Variants in C10orf71 observed in about 807,000 individuals in gnomAD.
C10orf71 encodes the protein chromosome 10 open reading frame 71, also known as cardiac-enriched FHL2-interacting protein.
For missense variants in C10orf71, 1,869 were observed against 1,804.5 expected (o/e 1.04, Z -0.65); for synonymous variants, 758 against 726.3 (o/e 1.04, Z -0.70).
At chr10:49,304,608 A>C (rs1848782289) in intron 1 of C10orf71, among the ~76,000 whole-genome samples, 2 of 151,976 alleles carry the variant, frequency 1.3e-5, no homozygotes, top group Admixed American at 1.3e-4. Context: ...AATGTGATGG[A>C]CTCTGTAGAA....
At position 49,322,692 on chromosome 10, in the gene C10orf71, T is replaced by C. The variant is rs1439272964; in HGVS notation, c.147T>C (p.His49=). 32 of 1,613,836 alleles carry C rather than the reference T, an allele frequency of 2.0e-5. No individual in the cohort carries two copies. Among genetic ancestry groups the C allele is most frequent in the Non-Finnish European group, 2.7e-5 (32 of 1,179,874 alleles). The change falls in exon 3 of 3, where the codon CAT becomes CAC. Residue 49 remains histidine, a synonymous_variant. Transcript: ENST00000374144. ...SLCISEDTSF[H]DSYLAVSPDI... is the part of the protein sequence containing the mutation. ...GCATCTCCGAGGACACATCCTTCCA[T>C]GACTCCTATCTGGCTGTGTCCCCGG...
At chr10:49,311,916 C>G (rs946968278) in intron 1 of C10orf71, among the ~76,000 whole-genome samples, 7 of 152,010 alleles carry the variant, frequency 4.6e-5, no homozygotes, top group Admixed American at 1.3e-4. Flanking sequence ...GAATTGTATC[C>G]GCAAAAAGCA....
chr10:49,301,959 C>T (rs1848735730), intron 1 of C10orf71, among the ~76,000 whole-genome samples: 1 of 152,166 alleles, frequency 6.6e-6, no homozygotes, highest in Non-Finnish European at 1.5e-5. Context: ...GGCTGTCTTC[C>T]CTTGCCTCAG....
At chr10:49,318,956 A>T (rs1363552195) in intron 2 of C10orf71, among the ~76,000 whole-genome samples, 2 of 152,236 alleles carry the variant, frequency 1.3e-5, no homozygotes, top group Non-Finnish European at 2.9e-5. Flanking sequence ...TGCCTTCACC[A>T]TCCATCCCCT....
At position 49,316,448 on chromosome 10, in the gene C10orf71, C is replaced by T. The variant is rs1849001059; in HGVS notation, c.-145+201C>T. On this transcript the variant is annotated intron_variant, in intron 2 of 2. Transcript: ENST00000374144. ...ACATGGGGAGGGAGTCTCTCTTTTTCCTGAGGCAGAAGTAATGTGGTTATT... is the reference window on the plus strand; with the variant it reads ...ACATGGGGAGGGAGTCTCTCTTTTTTCTGAGGCAGAAGTAATGTGGTTATT... Among the ~76,000 whole-genome samples, 7 of 152,084 alleles carry T rather than the reference C, an allele frequency of 4.6e-5. No homozygotes were observed. In the South Asian group the frequency reaches 1.5e-3, roughly 32 times the overall value.
chr10:49,306,228 A>G (rs1023374619), intron 1 of C10orf71, among the ~76,000 whole-genome samples: 5 of 152,238 alleles, frequency 3.3e-5, no homozygotes, highest in African/African-American at 1.2e-4. Context: ...TGACTCCAGC[A>G]TCGAGAGACT....
intron 1 of C10orf71, among the ~76,000 whole-genome samples, chr10:49,312,228 CATGG>C (rs1564685482): frequency 6.6e-6 from 1 of 152,202 alleles, no homozygotes; most frequent in African/African-American, 2.4e-5. Context: ...TCACAGTGGG[CATGG>C]CAGACCCTTC....
At chr10:49,313,059 A>G (rs963100118) in intron 1 of C10orf71, among the ~76,000 whole-genome samples, 8 of 152,200 alleles carry the variant, frequency 5.3e-5, no homozygotes, top group African/African-American at 1.9e-4. Context: ...CGCCACCAAT[A>G]AACACTCAGG....
rs756288258 is a variant in C10orf71, at chr10:49,322,283, C to T, written c.-144-119C>T. 22 of 402,092 alleles carry T rather than the reference C, an allele frequency of 5.5e-5. No homozygotes were observed. In the Middle Eastern group the frequency reaches 3.4e-3, roughly 62 times the overall value. The allele number at this position is 402,092 out of a possible 1,614,324, so 24.9% of individuals were successfully genotyped here. Reference sequence around the variant, plus strand: ...GTCTACAGTCTATACATATAGCAAGCTTGCCAAGTTTGACACATAAAATTA... The same window carrying T: ...GTCTACAGTCTATACATATAGCAAGTTTGCCAAGTTTGACACATAAAATTA... On this transcript the variant is annotated intron_variant, in intron 2 of 2. Transcript: ENST00000374144.
rs1411587032 is a variant in C10orf71 at position 49,325,659 on chromosome 10, A to G, written c.3114A>G (p.Thr1038=). The change falls in exon 3 of 3, where the codon ACA becomes ACG. Residue 1038 remains threonine, a synonymous_variant. Coordinates refer to ENST00000374144, the MANE Select transcript of C10orf71 (RefSeq NM_001135196.2). ...GTTTCAAGAGTCACTTTTTGTCCAC[A>G]CCCAGAGCAGGGCCCCCTGGCAGAA... The part of the protein sequence containing the change: ...TPGFKSHFLS[T]PRAGPPGRRL... 2.6e-6 allele frequency: 4 copies of G among 1,552,076 alleles called. No individual in the cohort carries two copies. Among genetic ancestry groups the G allele is most frequent in the Non-Finnish European group, 3.5e-6 (4 of 1,147,066 alleles).
chr10:49,299,736 G>A (rs1385633103), intron 1 of C10orf71, among the ~76,000 whole-genome samples: 4 of 152,236 alleles, frequency 2.6e-5, no homozygotes, highest in Non-Finnish European at 1.5e-5. Context: ...ATGGCTGAGT[G>A]CACAGATGTG....
Position 49,323,093 on chromosome 10 carries a change from G to A in C10orf71, c.548G>A (p.Ser183Asn). 6.2e-7 allele frequency: 1 copy of A among 1,614,038 alleles called. No homozygotes were observed. The highest frequency in any genetic ancestry group is 8.5e-7 in the Non-Finnish European group (1 of 1,179,894). Residue 183 changes from serine (S) to asparagine (N), a missense_variant, in exon 3 of 3, where the codon AGT becomes AAT. Coordinates refer to ENST00000374144, the MANE Select transcript of C10orf71 (RefSeq NM_001135196.2). ...AAATTCGCTCCTCTTCCAGAAAACA[G>A]TGTCAACTTCTGCTTCGATTCTGCC... The part of the protein sequence containing the change: ...PPKFAPLPEN[S>N]VNFCFDSAFL...
Position 49,326,447 on chromosome 10 carries a change from AC to A in C10orf71, c.3905del (p.Pro1302GlnfsTer42). 1 of 1,550,206 alleles carries A rather than the reference AC, an allele frequency of 6.5e-7. No individual in the cohort carries two copies. Among genetic ancestry groups the A allele is most frequent in the Non-Finnish European group, 8.7e-7 (1 of 1,146,774 alleles). ...CAGGTGAAAATCAAGACCTTCTATG[AC>A]CCAGAGACGGGCAAGTATGTCAAGG... ...PLQVKIKTFY[D>X]PETGKYVKVS... On this transcript the variant is annotated frameshift_variant, in exon 3 of 3. Coordinates refer to ENST00000374144, the MANE Select transcript of C10orf71 (RefSeq NM_001135196.2). LOFTEE classifies it low-confidence loss of function (END_TRUNC).
Position 49,324,722 on chromosome 10 carries a change from C to T in C10orf71, c.2177C>T (p.Ala726Val), listed in dbSNP as rs1214607729. The T allele has an allele frequency of 1.3e-6, 2 of 1,585,520 alleles. No homozygotes were observed. Among genetic ancestry groups the T allele is most frequent in the Admixed American group, 1.8e-5 (1 of 56,214 alleles). ...TTTATGCCAAGCCTCAAAGGTAAGGCCAAATTCAGCACCAGCTCTTCAGAT... is the reference window on the plus strand; with the variant it reads ...TTTATGCCAAGCCTCAAAGGTAAGGTCAAATTCAGCACCAGCTCTTCAGAT... ...SDFMPSLKGKAKFSTSSSDQS... is the reference protein window; with the variant it reads ...SDFMPSLKGKVKFSTSSSDQS... The change falls in exon 3 of 3, where the codon GCC becomes GTC. Residue 726 changes from alanine (A) to valine (V), a missense_variant. Coordinates refer to ENST00000374144, the MANE Select transcript of C10orf71 (RefSeq NM_001135196.2).
At position 49,323,096 on chromosome 10, in the gene C10orf71, T is replaced by G; in HGVS notation, c.551T>G (p.Val184Gly). The G allele has an allele frequency of 6.2e-7, 1 of 1,613,996 alleles. No homozygotes were observed. Among genetic ancestry groups the G allele is most frequent in the Non-Finnish European group, 8.5e-7 (1 of 1,179,892 alleles). Residue 184 changes from valine (V) to glycine (G), a missense_variant, in exon 3 of 3, where the codon GTC becomes GGC. By Grantham distance (109) the Val-to-Gly change is moderately radical. Coordinates refer to ENST00000374144, the MANE Select transcript of C10orf71 (RefSeq NM_001135196.2). ...PKFAPLPENS[V>G]NFCFDSAFLT... ...TTCGCTCCTCTTCCAGAAAACAGTG[T>G]CAACTTCTGCTTCGATTCTGCCTTT...
chr10:49,308,335 G>T (rs1273054806), intron 1 of C10orf71, among the ~76,000 whole-genome samples: 1 of 152,190 alleles, frequency 6.6e-6, no homozygotes, highest in Non-Finnish European at 1.5e-5. Context: ...CATGTTCCTG[G>T]GGCTGGCCAA....
chr10:49,318,711 C>A (rs113395465), intron 2 of C10orf71, among the ~76,000 whole-genome samples: 124 of 152,354 alleles, frequency 8.1e-4, no homozygotes, highest in African/African-American at 2.9e-3. Context: ...ACTGACAGCC[C>A]AGCAGCTTTG....
chr10:49,326,368 A>G lies in C10orf71; in HGVS notation c.3823A>G (p.Lys1275Glu), dbSNP rs549171547. The G allele has an allele frequency of 1.3e-4, 204 of 1,550,436 alleles. No homozygotes were observed. Among genetic ancestry groups the G allele is most frequent in the African/African-American group, 6.4e-4 (47 of 73,128 alleles). The change falls in exon 3 of 3, where the codon AAG becomes GAG. Residue 1275 changes from lysine to glutamate, a missense_variant. Transcript: ENST00000374144. Reference protein sequence around the residue: ...TPLPAYPATQKVLQDPQSGEY... With the variant: ...TPLPAYPATQEVLQDPQSGEY... ...CCTGCCCGCGTACCCCGCCACCCAGAAGGTCCTCCAGGATCCGCAGTCCGG... is the reference window on the plus strand; with the variant it reads ...CCTGCCCGCGTACCCCGCCACCCAGGAGGTCCTCCAGGATCCGCAGTCCGG...
chr10:49,308,447 G>A (rs866073586), intron 1 of C10orf71, among the ~76,000 whole-genome samples: 1 of 152,196 alleles, frequency 6.6e-6, no homozygotes, highest in East Asian at 1.9e-4. Flanking sequence ...GTCAAGCCAG[G>A]CCAGGCTGCA....
Sources: gnomAD v4.1 joint callset for allele counts (sites outside exome capture counted in the v4.1 genomes callset) on GRCh38, gnomAD v4.1.1 for gene constraint, MANE v1.5 for transcripts, NCBI Gene and HGNC (gene_info 2026-07-23, HGNC 2026-07-21) for gene names.